PSEN1: variants seen among roughly 807,000 people sequenced by gnomAD.
PSEN1 encodes the protein presenilin-1.
PSEN1 carries 15 observed loss-of-function variants against 53.5 expected under a neutral mutation model. The observed-to-expected ratio is 0.28, with a 90% CI of 0.19 to 0.43. The LOEUF is 0.43. PSEN1 is among the 20% of genes least tolerant of loss of function. The probability of loss-of-function intolerance (pLI) is 1.00; values close to 1 mark genes in which losing one functional copy is unlikely to be tolerated. For missense variants in PSEN1, 387 were observed against 571.2 expected, an observed-to-expected ratio of 0.68 and a Z score of 3.29; for synonymous variants, 208 against 209.8, an observed-to-expected ratio of 0.99 and a Z score of 0.08.
chr14:73,193,117 C>T (rs1218976839), intron 7 of PSEN1, among the ~76,000 whole-genome samples: 1 of 152,006 alleles, frequency 6.6e-6, no homozygotes, highest in Non-Finnish European at 1.5e-5. Context: ...CAAGACCAGC[C>T]TGGGCAACAT....
chr14:73,147,983 G>C lies in PSEN1; in HGVS notation c.-37G>C, dbSNP rs1277141838. 6.5e-7 allele frequency: 1 copy of C among 1,541,398 alleles called. No homozygotes were observed. Among genetic ancestry groups the C allele is most frequent in the East Asian group, 2.2e-5 (1 of 44,538 alleles). ...CCTTTTCAGAACCTCAAGAGGCTTT[G>C]TTTTCTGTGAAACAGTATTTCTATA... On this transcript the variant is annotated 5_prime_UTR_variant, in exon 3 of 12. Coordinates refer to ENST00000324501, the MANE Select transcript of PSEN1 (RefSeq NM_000021.4).
At chr14:73,180,244 C>A (rs1898170063) in intron 5 of PSEN1, among the ~76,000 whole-genome samples, 1 of 152,182 alleles carries the variant, frequency 6.6e-6, no homozygotes, top group Non-Finnish European at 1.5e-5. Context: ...TTCGGCCTCC[C>A]AAAGTGCTGG....
Position 73,192,773 on chromosome 14 carries a change from CATT to C in PSEN1, c.681_683del (p.Ile227del). 6.2e-7 allele frequency: 1 copy of C among 1,613,928 alleles called. No homozygotes were observed. The highest frequency in any genetic ancestry group is 8.5e-7 in the Non-Finnish European group (1 of 1,179,836). ...CACTTCGACTCCAGCAGGCATATCT[CATT>C]ATGATTAGTGCCCTCATGGCCCTGG... On this transcript the variant is annotated inframe_deletion, in exon 7 of 12. Transcript: ENST00000324501.
intron 3 of PSEN1, among the ~76,000 whole-genome samples, chr14:73,151,615 G>T (rs1344464675): frequency 6.6e-6 from 1 of 151,988 alleles, no homozygotes; most frequent in Non-Finnish European, 1.5e-5. Context: ...GAGTGCAGTG[G>T]TGCAATCTAA....
intron 3 of PSEN1, among the ~76,000 whole-genome samples, chr14:73,152,440 G>GA (rs560079238): frequency 0.022 from 2,272 of 103,988 alleles, 47 homozygotes; most frequent in African/African-American, 0.063. Context: ...TTTCTACTAA[G>GA]AAAAAAAAAA....
At chr14:73,174,212 A>G (rs1431016333) in intron 5 of PSEN1, 1 of 170,634 alleles carries the variant, frequency 5.9e-6, no homozygotes, top group South Asian at 1.4e-4. Context: ...TAATAGCACA[A>G]TCTAAGTGGG....
chr14:73,173,536 C>T (rs200058399), intron 4 of PSEN1, 30 bp from the exon 5 acceptor site: 3 of 1,612,062 alleles, frequency 1.9e-6, no homozygotes, highest in Non-Finnish European at 2.5e-6. Flanking sequence ...TTAACACTGA[C>T]CTAGGGCTTT....
At chr14:73,219,022 A>T (rs1900042021) in intron 11 of PSEN1, 112 bp from the exon 12 acceptor site, 2 of 1,212,594 alleles carry the variant, frequency 1.6e-6, no homozygotes, top group Admixed American at 1.7e-5. Context: ...TTTAACCCCA[A>T]AAGGAAAATA....
At chr14:73,158,282 T>TTCTATCTATCTATCTGTCTG (rs1555351587) in intron 3 of PSEN1, among the ~76,000 whole-genome samples, 2 of 141,464 alleles carry the variant, frequency 1.4e-5, no homozygotes, top group African/African-American at 5.3e-5. Flanking sequence ...TAACTTTTTT[T>TTCTATCTATCTATCTGTCTG]TCTATCTATC....
chr14:73,184,889 C>T (rs771106628), intron 5 of PSEN1, among the ~76,000 whole-genome samples: 10 of 140,662 alleles, frequency 7.1e-5, no homozygotes, highest in Non-Finnish European at 1.1e-4. Flanking sequence ...ACTTCTCAGA[C>T]GGGGCGGCCG....
At chr14:73,185,056 G>A (rs1415939895) in intron 5 of PSEN1, among the ~76,000 whole-genome samples, 5 of 152,014 alleles carry the variant, frequency 3.3e-5, no homozygotes, top group Non-Finnish European at 7.4e-5. Context: ...ATGGCAGCCG[G>A]GCAGAGGTGC....
intron 3 of PSEN1, among the ~76,000 whole-genome samples, chr14:73,161,926 G>A (rs767448600): frequency 1.3e-5 from 2 of 151,106 alleles, no homozygotes; most frequent in African/African-American, 2.4e-5. Context: ...AGGCTGAGGC[G>A]GGCGGATCAC....
chr14:73,138,451 C>T (rs574067615), intron 1 of PSEN1, among the ~76,000 whole-genome samples: 10 of 150,828 alleles, frequency 6.6e-5, no homozygotes, highest in Non-Finnish European at 8.9e-5. Context: ...GATCTCCTGA[C>T]CTCGTGATCC....
At chr14:73,214,855 G>A (rs576860699) in intron 10 of PSEN1, among the ~76,000 whole-genome samples, 14 of 152,302 alleles carry the variant, frequency 9.2e-5, no homozygotes, top group Admixed American at 3.9e-4. Flanking sequence ...GTGGATGGAC[G>A]ATGGTAATGG....
At chr14:73,169,598 C>T (rs191767599) in intron 3 of PSEN1, 2 of 152,238 alleles carry the variant, frequency 1.3e-5, no homozygotes, top group East Asian at 3.9e-4. Context: ...AAATCTCATT[C>T]ATTGCCACTC....
chr14:73,193,759 C>T (rs1415823577), intron 7 of PSEN1, among the ~76,000 whole-genome samples: 8 of 151,954 alleles, frequency 5.3e-5, no homozygotes, highest in Non-Finnish European at 7.4e-5. Flanking sequence ...CTGGCTCATG[C>T]GATCCTCCCA....
intron 8 of PSEN1, among the ~76,000 whole-genome samples, chr14:73,199,337 A>G (rs1328162468): frequency 1.3e-5 from 2 of 152,234 alleles, no homozygotes; most frequent in Non-Finnish European, 2.9e-5. Context: ...AACTTTGTCA[A>G]CTACTGTGTT....
intron 4 of PSEN1, among the ~76,000 whole-genome samples, 158 bp from the exon 5 acceptor site, chr14:73,173,408 C>T (rs1897948495): frequency 6.6e-6 from 1 of 152,092 alleles, no homozygotes; most frequent in African/African-American, 2.4e-5. Flanking sequence ...CTGTTTTTCT[C>T]AGGTTAAAAA....
intron 5 of PSEN1, among the ~76,000 whole-genome samples, chr14:73,184,622 G>C (rs969677858): frequency 7.7e-6 from 1 of 129,798 alleles, no homozygotes; most frequent in East Asian, 2.5e-4. Context: ...CCTCCCGGAC[G>C]GGGCGGCTGG....
Sources: gnomAD v4.1 joint callset for allele counts (sites outside exome capture counted in the v4.1 genomes callset) on GRCh38, gnomAD v4.1.1 for gene constraint, MANE v1.5 for transcripts, NCBI Gene and HGNC (gene_info 2026-07-23, HGNC 2026-07-21) for gene names.